USH2A: variants seen among roughly 807,000 people sequenced by gnomAD.
USH2A encodes usherin.
Under a neutral mutation model 538.9 loss-of-function variants are expected in USH2A, and 443 were observed. The observed-to-expected ratio is 0.82, with a 90% confidence interval of 0.76 to 0.89. USH2A has a LOEUF of 0.89. Among genes scored for constraint, USH2A ranks in the 40% least tolerant of loss-of-function variants. The pLI is 0.00. For synonymous variants in USH2A, 2,413 were observed against 2,273.5 expected, an observed-to-expected ratio of 1.06 and a Z score of -1.75; for missense variants, 6,633 against 6,324.8, an observed-to-expected ratio of 1.05 and a Z score of -1.65.
chr1:216,279,314 C>T (rs1571653044), intron 11 of USH2A, among the ~76,000 whole-genome samples: 1 of 151,966 alleles, frequency 6.6e-6, no homozygotes, highest in South Asian at 2.1e-4. Flanking sequence ...CAATTCAAGC[C>T]TAACTTAATT....
intron 11 of USH2A, among the ~76,000 whole-genome samples, chr1:216,285,163 CAGGA>C (rs2036857181): frequency 6.6e-6 from 1 of 152,160 alleles, no homozygotes; most frequent in Non-Finnish European, 1.5e-5. Context: ...AAAGTGTCTC[CAGGA>C]CATGTCTCAT....
chr1:215,743,384 ATATG>A (rs1660363256), intron 58 of USH2A, 49 bp from the exon 59 acceptor site: 6 of 449,566 alleles, frequency 1.3e-5, no homozygotes, highest in East Asian at 1.1e-4. Flanking sequence ...ATATATATAT[ATATG>A]TGTGTGTGTG....
chr1:215,946,007 A>G (rs558415832), intron 37 of USH2A, among the ~76,000 whole-genome samples: 1 of 152,334 alleles, frequency 6.6e-6, no homozygotes. Context: ...TGAACTAGCC[A>G]AAAGAAGTCA....
intron 21 of USH2A, among the ~76,000 whole-genome samples, chr1:216,152,229 C>A (rs2033851717): frequency 6.6e-6 from 1 of 152,158 alleles, no homozygotes; most frequent in South Asian, 2.1e-4. Context: ...GAGCCCAAGC[C>A]AAGCCATCGC....
At chr1:216,264,229 A>G (rs1366293837) in intron 11 of USH2A, among the ~76,000 whole-genome samples, 2 of 152,172 alleles carry the variant, frequency 1.3e-5, no homozygotes, top group Non-Finnish European at 2.9e-5. Flanking sequence ...TACTAATGAT[A>G]TTCTTCACAG....
chr1:216,001,099 C>G (rs1400683975), intron 32 of USH2A, among the ~76,000 whole-genome samples: 1 of 152,242 alleles, frequency 6.6e-6, no homozygotes, highest in South Asian at 2.1e-4. Flanking sequence ...CCTAACACTC[C>G]TTGCTGTCAC....
At chr1:216,131,252 T>C (rs977911401) in intron 21 of USH2A, among the ~76,000 whole-genome samples, 7 of 152,114 alleles carry the variant, frequency 4.6e-5, no homozygotes, top group African/African-American at 1.7e-4. Context: ...TATCCCACTC[T>C]GTGGGTTTTC....
intron 62 of USH2A, among the ~76,000 whole-genome samples, chr1:215,678,281 TC>T (rs1171040152): frequency 6.6e-6 from 1 of 152,202 alleles, no homozygotes; most frequent in Non-Finnish European, 1.5e-5. Flanking sequence ...TGGAACAAAT[TC>T]TAAACTTTAC....
chr1:216,118,346 T>G (rs1329683247), intron 21 of USH2A, among the ~76,000 whole-genome samples: 2 of 152,044 alleles, frequency 1.3e-5, no homozygotes, highest in African/African-American at 4.8e-5. Flanking sequence ...ACATAAAGCT[T>G]CTAACTAGAG....
chr1:216,330,312 T>C (rs1329860297), intron 4 of USH2A, among the ~76,000 whole-genome samples: 1 of 152,114 alleles, frequency 6.6e-6, no homozygotes, highest in Non-Finnish European at 1.5e-5. Flanking sequence ...ATATAGTATA[T>C]TAGAATGCAA....
intron 44 of USH2A, among the ~76,000 whole-genome samples, chr1:215,853,968 G>A (rs1330100338): frequency 6.6e-6 from 1 of 152,166 alleles, no homozygotes; most frequent in African/African-American, 2.4e-5. Context: ...ACCTCTGCCT[G>A]TTACCCAATT....
At chr1:215,737,380 A>G (rs1195552177) in intron 60 of USH2A, among the ~76,000 whole-genome samples, 1 of 151,922 alleles carries the variant, frequency 6.6e-6, no homozygotes, top group East Asian at 1.9e-4. Context: ...TAACAAATGT[A>G]TTTCTCTTAC....
chr1:215,920,227 A>T (rs1445474534), intron 38 of USH2A, among the ~76,000 whole-genome samples: 2 of 152,068 alleles, frequency 1.3e-5, no homozygotes, highest in African/African-American at 4.8e-5. Context: ...CAGAGAGAAC[A>T]AATACATGAG....
At chr1:215,627,672 C>T (rs1378116429) in intron 71 of USH2A, among the ~76,000 whole-genome samples, 3 of 151,928 alleles carry the variant, frequency 2.0e-5, no homozygotes, top group Non-Finnish European at 4.4e-5. Flanking sequence ...ATTACAGGTG[C>T]GCACCACCGC....
At chr1:216,098,678 C>T (rs996215492) in intron 21 of USH2A, among the ~76,000 whole-genome samples, 9 of 151,850 alleles carry the variant, frequency 5.9e-5, no homozygotes, top group East Asian at 1.9e-4. Flanking sequence ...AATAGTACTC[C>T]GATACACAGC....
At position 215,647,518 on chromosome 1, in the gene USH2A, T is replaced by C. The variant is rs1408904076; in HGVS notation, c.14791+4A>G. 1.9e-6 allele frequency: 3 copies of C among 1,613,808 alleles called. No individual in the cohort carries two copies. The highest frequency in any genetic ancestry group is 2.5e-6 in the Non-Finnish European group (3 of 1,179,926). Reference sequence around the variant, plus strand: ...GGCTTATGGTAGCAGCCACTTATACTCACATTCTTTTTGGGTGGTGAAACT... The same window carrying C: ...GGCTTATGGTAGCAGCCACTTATACCCACATTCTTTTTGGGTGGTGAAACT... On this transcript the variant is annotated splice_donor_region_variant and intron_variant, in intron 67 of 71. Transcript: ENST00000307340.
chr1:215,864,666 G>T (rs1166306328), intron 44 of USH2A, among the ~76,000 whole-genome samples: 6 of 152,062 alleles, frequency 3.9e-5, no homozygotes, highest in African/African-American at 1.4e-4. Flanking sequence ...TTCAAATACT[G>T]TGGGCAAAAC....
At chr1:216,218,780 T>C (rs546739939) in intron 14 of USH2A, among the ~76,000 whole-genome samples, 5 of 152,218 alleles carry the variant, frequency 3.3e-5, no homozygotes, top group Non-Finnish European at 7.4e-5. Flanking sequence ...ACACATTACA[T>C]CAGAATTCCA....
At chr1:215,711,650 A>C (rs759544604) in intron 61 of USH2A, among the ~76,000 whole-genome samples, 2 of 152,104 alleles carry the variant, frequency 1.3e-5, no homozygotes, top group Non-Finnish European at 2.9e-5. Flanking sequence ...CTTGCTAAGA[A>C]TTCTTATTAG....
Sources: allele counts gnomAD v4.1 joint callset (sites outside exome capture counted in the v4.1 genomes callset), GRCh38; gene constraint gnomAD v4.1.1; transcripts MANE v1.5; gene names NCBI Gene and HGNC (gene_info 2026-07-23, HGNC 2026-07-21).